Variants in PEX5L observed in about 807,000 individuals in gnomAD.
PEX5L encodes peroxisomal biogenesis factor 5 like.
PEX5L carries 30 observed loss-of-function variants against 84.0 expected under a neutral mutation model. That is an observed-to-expected ratio of 0.36 (90% CI 0.27 to 0.48). PEX5L has a LOEUF of 0.48. PEX5L is among the 20% of genes least tolerant of loss of function. The pLI is 0.99. For missense variants in PEX5L, 533 were observed against 754.6 expected (o/e 0.71, Z 3.44); for synonymous variants, 270 against 283.1 (o/e 0.95, Z 0.46).
intron 1 of PEX5L, among the ~76,000 whole-genome samples, chr3:180,004,740 C>T (rs1788724026): frequency 6.6e-6 from 1 of 151,812 alleles, no homozygotes; most frequent in East Asian, 1.9e-4. Context: ...AGCTGCACTT[C>T]CAAAAGCAGC....
chr3:179,972,183 C>A (rs527507076), intron 1 of PEX5L, among the ~76,000 whole-genome samples: 8 of 152,110 alleles, frequency 5.3e-5, no homozygotes, highest in South Asian at 2.1e-4. Context: ...ATTGGAAAAA[C>A]CAACTCAGAA....
intron 5 of PEX5L, 43 bp downstream of exon 5, chr3:179,879,886 C>T (rs757189938): frequency 7.3e-7 from 1 of 1,368,870 alleles, no homozygotes; most frequent in East Asian, 2.3e-5. Context: ...TCCACATCAG[C>T]AGAGCAAGGT....
chr3:179,955,080 C>T (rs899838772), intron 2 of PEX5L, among the ~76,000 whole-genome samples: 2 of 152,082 alleles, frequency 1.3e-5, no homozygotes, highest in African/African-American at 4.8e-5. Context: ...TGTGGCTTCC[C>T]CAAGAACTTT....
At chr3:179,829,971 AT>A (rs1215795608) in intron 8 of PEX5L, among the ~76,000 whole-genome samples, 1 of 74,070 alleles carries the variant, frequency 1.4e-5, no homozygotes, top group Non-Finnish European at 2.7e-5. Context: ...TTTTTTTTGT[AT>A]TTTTAGTAGA....
chr3:180,017,386 C>G (rs1307032291), intron 1 of PEX5L, among the ~76,000 whole-genome samples: 1 of 152,196 alleles, frequency 6.6e-6, no homozygotes, highest in Admixed American at 6.5e-5. Flanking sequence ...GCAAGTTTCT[C>G]TCTCTTATAC....
intron 1 of PEX5L, among the ~76,000 whole-genome samples, chr3:179,988,442 G>A (rs1165055065): frequency 1.4e-5 from 2 of 146,100 alleles, no homozygotes; most frequent in Non-Finnish European, 3.0e-5. Flanking sequence ...GAAAGAAGAG[G>A]TCCATTGTTA....
At chr3:179,961,509 A>G (rs1782033731) in intron 2 of PEX5L, among the ~76,000 whole-genome samples, 1 of 152,136 alleles carries the variant, frequency 6.6e-6, no homozygotes, top group African/African-American at 2.4e-5. Context: ...GTCTGGATGG[A>G]GAGAAGTAAA....
chr3:179,891,831 T>G (rs1304674045), intron 3 of PEX5L, among the ~76,000 whole-genome samples: 4 of 152,170 alleles, frequency 2.6e-5, no homozygotes, highest in African/African-American at 7.2e-5. Context: ...TTTCCTTTGG[T>G]GACTTGAGAA....
chr3:179,870,117 A>G lies in PEX5L; in HGVS notation c.726+4210T>C, dbSNP rs546820371. ...TCTGGACAGAAATATGGTGATAATT[A>G]AGCATAAATAAGGCTGCGCTTTGTC... On this transcript the variant is annotated intron_variant, in intron 7 of 14. Transcript: ENST00000467460. Among the ~76,000 whole-genome samples, 4 of 152,320 alleles carry G rather than the reference A, an allele frequency of 2.6e-5. No individual in the cohort carries two copies. In the South Asian group the frequency reaches 8.3e-4, roughly 32 times the overall value.
intron 1 of PEX5L, among the ~76,000 whole-genome samples, chr3:179,985,428 G>T (rs1202388615): frequency 7.2e-6 from 1 of 139,602 alleles, no homozygotes; most frequent in Non-Finnish European, 1.6e-5. Flanking sequence ...GGAAGCCAAA[G>T]CTCATTCTGT....
intron 8 of PEX5L, among the ~76,000 whole-genome samples, chr3:179,849,830 G>A (rs369979503): frequency 1.1e-3 from 170 of 152,326 alleles, no homozygotes; most frequent in African/African-American, 3.7e-3. Context: ...AATGCAGATC[G>A]TGGATTTCTC....
intron 8 of PEX5L, among the ~76,000 whole-genome samples, chr3:179,846,610 C>A (rs1406101649): frequency 6.6e-6 from 1 of 152,154 alleles, no homozygotes; most frequent in Non-Finnish European, 1.5e-5. Context: ...ATGAGCCTAG[C>A]ATTTGAATCA....
chr3:179,828,537 C>G (rs1434290042), intron 8 of PEX5L, among the ~76,000 whole-genome samples: 1 of 152,122 alleles, frequency 6.6e-6, no homozygotes, highest in Non-Finnish European at 1.5e-5. Context: ...AATTTCTGGA[C>G]ATAAGGAAAC....
chr3:179,895,033 T>C (rs1054077930), intron 3 of PEX5L, among the ~76,000 whole-genome samples: 3 of 152,192 alleles, frequency 2.0e-5, no homozygotes, highest in African/African-American at 7.2e-5. Flanking sequence ...AATTTGTTTA[T>C]ACTATTACCC....
At chr3:179,875,517 A>G in intron 5 of PEX5L, 40 bp from the exon 6 acceptor site, 24 of 1,101,524 alleles carry the variant, frequency 2.2e-5, no homozygotes, top group East Asian at 4.0e-5. Context: ...AGGTGGCGGC[A>G]GGGCGGGGTA....
intron 2 of PEX5L, among the ~76,000 whole-genome samples, chr3:179,928,450 TCGGGGACACA>T (rs776717590): frequency 3.3e-5 from 5 of 152,152 alleles, no homozygotes; most frequent in African/African-American, 4.8e-5. Flanking sequence ...CTAGGGCCTC[TCGGGGACACA>T]CACCCTTCCT....
At chr3:179,817,061 G>A (rs916716297) in intron 9 of PEX5L, among the ~76,000 whole-genome samples, 2 of 152,140 alleles carry the variant, frequency 1.3e-5, no homozygotes, top group Admixed American at 1.3e-4. Context: ...CCCACATACT[G>A]TATATCTGTT....
At chr3:179,982,912 C>G (rs971916599) in intron 1 of PEX5L, among the ~76,000 whole-genome samples, 1 of 151,880 alleles carries the variant, frequency 6.6e-6, no homozygotes, top group African/African-American at 2.4e-5. Context: ...ATCAAAGTAT[C>G]ATTTTTCTTT....
At chr3:180,018,764 C>T (rs1480371444) in intron 1 of PEX5L, among the ~76,000 whole-genome samples, 1 of 152,188 alleles carries the variant, frequency 6.6e-6, no homozygotes, top group Non-Finnish European at 1.5e-5. Context: ...TCACCCAGGC[C>T]TGCCTGTCTT....
Sources: gnomAD v4.1 joint callset for allele counts (sites outside exome capture counted in the v4.1 genomes callset) on GRCh38, gnomAD v4.1.1 for gene constraint, MANE v1.5 for transcripts, NCBI Gene and HGNC (gene_info 2026-07-23, HGNC 2026-07-21) for gene names.